Variants in RBFOX2 observed in about 807,000 individuals in gnomAD.
The protein encoded by RBFOX2 is RNA binding fox-1 homolog 2, also known as RNA binding protein fox-1 homolog 2.
In RBFOX2, 10 loss-of-function variants were observed where a neutral mutation model predicts 49.1. The ratio of observed to expected loss-of-function variants is 0.20; its 90% confidence interval spans 0.13 to 0.35. RBFOX2 has a LOEUF of 0.35. RBFOX2 is among the 10% of genes least tolerant of loss of function. The pLI, the probability that RBFOX2 is intolerant of heterozygous loss-of-function variation, is 1.00. For missense variants in RBFOX2, 323 were observed against 486.9 expected, an observed-to-expected ratio of 0.66 and a Z score of 3.17; for synonymous variants, 183 against 187.4, an observed-to-expected ratio of 0.98 and a Z score of 0.19.
At chr22:35,952,073 G>T (rs1353476959) in intron 1 of RBFOX2, among the ~76,000 whole-genome samples, 3 of 152,072 alleles carry the variant, frequency 2.0e-5, no homozygotes, top group African/African-American at 7.2e-5. Context: ...TAGGGTTAGG[G>T]TGCTTATGTG....
chr22:36,002,467 T>C (rs1388762589), intron 1 of RBFOX2, among the ~76,000 whole-genome samples: 1 of 152,262 alleles, frequency 6.6e-6, no homozygotes, highest in African/African-American at 2.4e-5. Flanking sequence ...ACAAACGAAA[T>C]GTTCTCTAAG....
chr22:35,967,412 A>G (rs1603459665), intron 1 of RBFOX2, among the ~76,000 whole-genome samples: 1 of 134,508 alleles, frequency 7.4e-6, no homozygotes. Context: ...ATACCCTACC[A>G]AAAAAAAAAA....
At chr22:36,006,884 C>T (rs1474691391) in intron 1 of RBFOX2, among the ~76,000 whole-genome samples, 2 of 152,200 alleles carry the variant, frequency 1.3e-5, no homozygotes, top group African/African-American at 4.8e-5. Flanking sequence ...CACTACTCAT[C>T]CTGGCTTGGT....
At chr22:36,016,052 C>T (rs1337963435) in intron 1 of RBFOX2, among the ~76,000 whole-genome samples, 1 of 152,062 alleles carries the variant, frequency 6.6e-6, no homozygotes, top group Non-Finnish European at 1.5e-5. Context: ...AAAATGGAAC[C>T]AACGTCCTCC....
intron 1 of RBFOX2, among the ~76,000 whole-genome samples, chr22:35,891,411 G>C (rs899949157): frequency 6.6e-6 from 1 of 151,688 alleles, no homozygotes; most frequent in African/African-American, 2.4e-5. Context: ...AGGATTACAG[G>C]CGTGAGCCAC....
At chr22:35,859,859 A>G (rs2042922658) in intron 1 of RBFOX2, among the ~76,000 whole-genome samples, 1 of 152,200 alleles carries the variant, frequency 6.6e-6, no homozygotes, top group African/African-American at 2.4e-5. Flanking sequence ...CACTGTGCCT[A>G]GCCATTAGTT....
intron 1 of RBFOX2, among the ~76,000 whole-genome samples, chr22:35,851,124 AATTT>A (rs1372155285): frequency 6.6e-6 from 1 of 152,114 alleles, no homozygotes; most frequent in Admixed American, 6.6e-5. Flanking sequence ...CGGTCACTGT[AATTT>A]ATTTTAGGAT....
intron 1 of RBFOX2, among the ~76,000 whole-genome samples, chr22:35,906,088 C>T (rs1427699151): frequency 1.3e-5 from 2 of 152,094 alleles, no homozygotes; most frequent in Non-Finnish European, 2.9e-5. Context: ...CCTAATGACA[C>T]ATTTCTCAAA....
At chr22:35,952,416 CT>C (rs1288873930) in intron 1 of RBFOX2, among the ~76,000 whole-genome samples, 1 of 152,176 alleles carries the variant, frequency 6.6e-6, no homozygotes, top group Non-Finnish European at 1.5e-5. Context: ...ACACCAAGTA[CT>C]TTGTTAAATG....
intron 1 of RBFOX2, among the ~76,000 whole-genome samples, chr22:36,009,706 C>T (rs1371914076): frequency 1.3e-5 from 2 of 152,208 alleles, no homozygotes; most frequent in South Asian, 2.1e-4. Context: ...GCCCTCTTAA[C>T]CAAATATTTT....
At chr22:35,938,939 G>C, upstream of RBFOX2, 3 of 1,538,946 alleles carry the variant, frequency 1.9e-6, no homozygotes, top group African/African-American at 1.4e-5. Flanking sequence ...TGAGATGAAA[G>C]AAAATGTTAG....
intron 1 of RBFOX2, among the ~76,000 whole-genome samples, chr22:35,879,396 A>G (rs1473113020): frequency 2.0e-5 from 3 of 152,258 alleles, no homozygotes; most frequent in African/African-American, 7.2e-5. Flanking sequence ...TAAACACTCC[A>G]GAGATTATTT....
chr22:36,012,673 C>T (rs1421295073), intron 1 of RBFOX2, among the ~76,000 whole-genome samples: 6 of 151,896 alleles, frequency 4.0e-5, no homozygotes, highest in Non-Finnish European at 8.8e-5. Flanking sequence ...TGGAGGGTGA[C>T]TATAGAAAAA....
intron 1 of RBFOX2, among the ~76,000 whole-genome samples, chr22:35,976,579 A>G (rs2057165690): frequency 6.6e-6 from 1 of 152,272 alleles, no homozygotes; most frequent in Non-Finnish European, 1.5e-5. Flanking sequence ...TATAAAAGTA[A>G]TAACAGAATG....
rs185303715 is a variant in RBFOX2 at position 36,005,358 on chromosome 22, G to C, written c.186+22882C>G. On this transcript the variant is annotated intron_variant, in intron 1 of 13. Transcript: ENST00000438146. ...AACTCCAATGATAAATGACCATACT[G>C]CAAAAACGTGCTGCCCATAAATGTG... 2.6e-5 allele frequency among the ~76,000 whole-genome samples: 4 copies of C among 152,274 alleles called. No homozygotes were observed. In the East Asian group the frequency reaches 7.7e-4, roughly 29 times the overall value.
intron 1 of RBFOX2, among the ~76,000 whole-genome samples, chr22:35,889,069 C>T (rs942026316): frequency 7.9e-5 from 12 of 152,050 alleles, no homozygotes; most frequent in South Asian, 2.1e-4. Context: ...GCAGGAGAAT[C>T]GCTTGAATGC....
At chr22:35,746,613 C>G in intron 9 of RBFOX2, 52 bp from the exon 12 acceptor site, 2 of 1,186,740 alleles carry the variant, frequency 1.7e-6, no homozygotes, top group East Asian at 2.8e-5. Flanking sequence ...CCCAGGTGTA[C>G]AGAAAAACAC....
chr22:35,933,529 T>C (rs2052664616), intron 1 of RBFOX2, among the ~76,000 whole-genome samples: 1 of 152,158 alleles, frequency 6.6e-6, no homozygotes, highest in African/African-American at 2.4e-5. Flanking sequence ...AAACAAATTA[T>C]CTCTAGTTTG....
intron 1 of RBFOX2, among the ~76,000 whole-genome samples, chr22:35,823,168 G>A (rs1207449077): frequency 6.6e-6 from 1 of 152,150 alleles, no homozygotes; most frequent in Non-Finnish European, 1.5e-5. Context: ...CATAGTACTT[G>A]CTGACTACTG....
Sources: allele counts gnomAD v4.1 joint callset (sites outside exome capture counted in the v4.1 genomes callset), GRCh38; gene constraint gnomAD v4.1.1; transcripts MANE v1.5; gene names NCBI Gene and HGNC (gene_info 2026-07-23, HGNC 2026-07-21).